The following CPNE4 variants were observed in gnomAD, a reference collection of about 807,000 sequenced individuals.
CPNE4 encodes copine-4.
Under a neutral mutation model 67.9 loss-of-function variants are expected in CPNE4, and 25 were observed. The ratio of observed to expected loss-of-function variants is 0.37; its 90% confidence interval spans 0.27 to 0.51. The LOEUF is 0.51. Ranked by LOEUF, CPNE4 falls within the 20% of genes least tolerant of loss-of-function variation. The pLI, the probability that CPNE4 is intolerant of heterozygous loss-of-function variation, is 0.93. For missense variants in CPNE4, 464 were observed against 690.8 expected (o/e 0.67, Z 3.68); for synonymous variants, 242 against 244.9 (o/e 0.99, Z 0.11).
chr3:131,780,997 A>T (rs2083420899), intron 2 of CPNE4, among the ~76,000 whole-genome samples: 1 of 152,078 alleles, frequency 6.6e-6, no homozygotes, highest in African/African-American at 2.4e-5. Flanking sequence ...AGAGGTGGTC[A>T]TGAACCTTGG....
Position 131,786,779 on chromosome 3 carries a change from A to C in CPNE4, c.181-63154T>G, listed in dbSNP as rs993652519. Among the ~76,000 whole-genome samples the C allele has an allele frequency of 2.6e-5, 4 of 152,326 alleles. No individual in the cohort carries two copies. The East Asian group carries it at 7.7e-4, about 29-fold the overall frequency. On this transcript the variant is annotated intron_variant, in intron 2 of 15. Transcript: ENST00000429747. ...TTAAGTGAGAATATCCTTAAAAAGTACATGGCGCAGTGCTTGGCCCATAGT... is the reference window on the plus strand; with the variant it reads ...TTAAGTGAGAATATCCTTAAAAAGTCCATGGCGCAGTGCTTGGCCCATAGT...
chr3:131,552,232 T>C (rs1173774467), intron 13 of CPNE4, among the ~76,000 whole-genome samples: 1 of 152,082 alleles, frequency 6.6e-6, no homozygotes, highest in Non-Finnish European at 1.5e-5. Flanking sequence ...CCACCTCTTC[T>C]GCATTCTGTC....
chr3:131,828,094 A>T (rs145859564), intron 2 of CPNE4, among the ~76,000 whole-genome samples: 1 of 151,028 alleles, frequency 6.6e-6, no homozygotes, highest in East Asian at 1.9e-4. Context: ...AAAAGCCACT[A>T]TAACATTGTA....
intron 2 of CPNE4, among the ~76,000 whole-genome samples, chr3:131,867,352 A>G (rs2086996126): frequency 6.6e-6 from 1 of 152,104 alleles, no homozygotes; most frequent in African/African-American, 2.4e-5. Flanking sequence ...AATGCAGCAA[A>G]CAAAGAATGA....
At chr3:131,749,929 A>G (rs2082583676) in intron 2 of CPNE4, among the ~76,000 whole-genome samples, 1 of 152,190 alleles carries the variant, frequency 6.6e-6, no homozygotes, top group Non-Finnish European at 1.5e-5. Context: ...GGAGGCTAAA[A>G]GTCCAAGAGC....
chr3:131,857,724 G>C (rs2086506557), intron 2 of CPNE4, among the ~76,000 whole-genome samples: 1 of 152,020 alleles, frequency 6.6e-6, no homozygotes, highest in Non-Finnish European at 1.5e-5. Context: ...GAACAGCAGA[G>C]GGAAACCCTG....
chr3:131,995,304 C>T (rs1425967045), intron 1 of CPNE4, among the ~76,000 whole-genome samples: 1 of 152,162 alleles, frequency 6.6e-6, no homozygotes, highest in East Asian at 1.9e-4. Context: ...TTATCATTAT[C>T]TCTTTAAGTT....
chr3:131,818,226 T>A (rs894098857), intron 2 of CPNE4, among the ~76,000 whole-genome samples: 5 of 152,200 alleles, frequency 3.3e-5, no homozygotes, highest in African/African-American at 1.2e-4. Flanking sequence ...TGTTCTTCCC[T>A]CAACACATGC....
chr3:131,676,343 G>T (rs1463342773), intron 6 of CPNE4, among the ~76,000 whole-genome samples: 1 of 152,080 alleles, frequency 6.6e-6, no homozygotes, highest in Non-Finnish European at 1.5e-5. Context: ...ACATGTGTGA[G>T]CCACTGAGGC....
intron 7 of CPNE4, among the ~76,000 whole-genome samples, chr3:131,623,836 G>A (rs1017326710): frequency 6.6e-6 from 1 of 152,236 alleles, no homozygotes; most frequent in Non-Finnish European, 1.5e-5. Context: ...TCAGTTGGCT[G>A]AACTAGGAAG....
At chr3:131,703,415 C>T (rs1450228086) in intron 3 of CPNE4, among the ~76,000 whole-genome samples, 2 of 151,044 alleles carry the variant, frequency 1.3e-5, no homozygotes, top group African/African-American at 2.4e-5. Flanking sequence ...AGTTGAAATA[C>T]TCTTTTTAGC....
intron 11 of CPNE4, 98 bp downstream of exon 11, chr3:131,564,118 T>G: frequency 7.2e-7 from 1 of 1,397,724 alleles, no homozygotes; most frequent in Non-Finnish European, 1.0e-6. Context: ...CATAAGGAGC[T>G]ACTAGACTTA....
chr3:131,706,322 AG>A (rs763736342), intron 3 of CPNE4, among the ~76,000 whole-genome samples: 15 of 152,238 alleles, frequency 9.9e-5, no homozygotes, highest in Non-Finnish European at 2.1e-4. Context: ...CAACTATTAA[AG>A]GGTCATAATA....
At chr3:131,842,746 A>AG (rs1560444396) in intron 2 of CPNE4, among the ~76,000 whole-genome samples, 7 of 149,698 alleles carry the variant, frequency 4.7e-5, no homozygotes, top group East Asian at 4.0e-4. Flanking sequence ...AAAAAAAAAA[A>AG]AAAGAAAAAG....
chr3:131,931,008 C>T (rs7642440), intron 1 of CPNE4, among the ~76,000 whole-genome samples: 54,485 of 151,850 alleles, frequency 0.36, 10,378 homozygotes, highest in African/African-American at 0.47. Context: ...GGGTGTTGAT[C>T]AGAAATATTT....
At chr3:131,886,377 C>T (rs1261032318) in intron 2 of CPNE4, among the ~76,000 whole-genome samples, 1 of 152,244 alleles carries the variant, frequency 6.6e-6, no homozygotes, top group Non-Finnish European at 1.5e-5. Context: ...TGTACGGAAA[C>T]ACCTGGATGC....
chr3:131,796,694 A>C (rs1228170099), intron 2 of CPNE4, among the ~76,000 whole-genome samples: 3 of 152,204 alleles, frequency 2.0e-5, no homozygotes, highest in Non-Finnish European at 4.4e-5. Flanking sequence ...GAATGCATTC[A>C]ACCACAAGCT....
chr3:131,621,957 T>C (rs1434542432), intron 7 of CPNE4, among the ~76,000 whole-genome samples: 1 of 140,830 alleles, frequency 7.1e-6, no homozygotes, highest in Non-Finnish European at 1.5e-5. Context: ...AGACTGCAGT[T>C]GCAGGGAGCC....
intron 7 of CPNE4, among the ~76,000 whole-genome samples, chr3:131,650,637 C>T (rs1485594566): frequency 3.4e-5 from 5 of 145,640 alleles, no homozygotes; most frequent in Non-Finnish European, 5.9e-5. Flanking sequence ...CCCGGCTACT[C>T]GGGAGGCTGA....
Sources: gnomAD v4.1 joint callset for allele counts (sites outside exome capture counted in the v4.1 genomes callset) on GRCh38, gnomAD v4.1.1 for gene constraint, MANE v1.5 for transcripts, NCBI Gene and HGNC (gene_info 2026-07-23, HGNC 2026-07-21) for gene names.